The following DMD variants were observed in gnomAD, a reference collection of about 807,000 sequenced individuals.
DMD encodes the protein mutant dystrophin.
A neutral mutation model predicts 330.1 loss-of-function variants in DMD; 63 were observed. The observed-to-expected ratio is 0.19, with a 90% CI of 0.16 to 0.24. The LOEUF is 0.24. Ranked by LOEUF, DMD falls within the 10% of genes least tolerant of loss-of-function variation. The pLI, the probability that DMD is intolerant of heterozygous loss-of-function variation, is 1.00. For synonymous variants in DMD, 1,223 were observed against 959.8 expected (o/e 1.27, Z -5.07); for missense variants, 3,344 against 2,684.1 (o/e 1.25, Z -5.43).
chrX:31,211,983 T>C (rs1484000383), intron 64 of DMD, among the ~76,000 whole-genome samples: 1 of 111,103 alleles, frequency 9.0e-6, no homozygotes, highest in Non-Finnish European at 1.9e-5. Flanking sequence ...TTAATTGCCA[T>C]GCATATGCTT....
intron 74 of DMD, among the ~76,000 whole-genome samples, chrX:31,162,223 G>C (rs1201744361): frequency 9.1e-6 from 1 of 109,561 alleles, no homozygotes; most frequent in African/African-American, 3.3e-5. Context: ...GTAACTATCT[G>C]CAGAATTGAA....
At chrX:31,522,969 C>T (rs2072965412) in intron 55 of DMD, among the ~76,000 whole-genome samples, 1 of 111,436 alleles carries the variant, frequency 9.0e-6, no homozygotes, top group Non-Finnish European at 1.9e-5. Flanking sequence ...TGCCTGTGAG[C>T]GTGAACTTGC....
At chrX:31,673,214 G>C (rs1470435862) in intron 53 of DMD, among the ~76,000 whole-genome samples, 2 of 112,378 alleles carry the variant, frequency 1.8e-5, no homozygotes, top group African/African-American at 6.5e-5. Context: ...CTGGGAGAAA[G>C]TGACGGGAAA....
At chrX:32,501,501 A>C (rs2044050012) in intron 19 of DMD, among the ~76,000 whole-genome samples, 1 of 111,838 alleles carries the variant, frequency 8.9e-6, no homozygotes, top group Non-Finnish European at 1.9e-5. Context: ...GCAGATTTGC[A>C]TTAAAATTTA....
intron 50 of DMD, among the ~76,000 whole-genome samples, chrX:31,803,608 TTCCCTCCC>T (rs200151953): frequency 2.0e-4 from 18 of 92,240 alleles, no homozygotes; most frequent in South Asian, 5.8e-4. Flanking sequence ...TTTCTTTTCT[TTCCCTCCC>T]TCCCTCCCTC....
In DMD at chrX:32,468,639, C is replaced by T. The variant is rs1800268; in HGVS notation, c.3021G>A (p.Ser1007=). The T allele has an allele frequency of 0.018, 21,316 of 1,209,308 alleles. 158 individuals are homozygous for T. Among genetic ancestry groups the T allele is most frequent in the Non-Finnish European group, 0.021 (19,008 of 894,886 alleles). ...YYLSTTVKEM[S]KKAPSEISRK... The stretch of plus-strand genomic sequence containing the variant: ...GGCTAATTTCAGAGGGCGCTTTCTT[C>T]GACATCTCTTTCACAGTGGTGCTGA... The change falls in exon 23 of 79, where the codon TCG becomes TCA. Residue 1007 remains serine (S), a synonymous_variant. Transcript: ENST00000357033.
At position 33,190,424 on chromosome X, in the gene DMD, AACTT is replaced by A. The variant is rs374513848; in HGVS notation, c.31+20854_31+20857del. On this transcript the variant is annotated intron_variant, in intron 1 of 78. Coordinates refer to ENST00000357033, the MANE Select transcript of DMD (RefSeq NM_004006.3). ...ATTATAAGTTTAGATTACATACCTT[AACTT>A]ACTTAAACAATTGGCTGGACATTTG... 1.6e-3 allele frequency among the ~76,000 whole-genome samples: 160 copies of A among 98,204 alleles called. 1 individual carries two copies. Among genetic ancestry groups the A allele is most frequent in the African/African-American group, 5.5e-3 (154 of 28,164 alleles). The allele number at this position is 98,204 out of a possible 115,157, so 85.3% of individuals were successfully genotyped here. A position where few individuals can be genotyped will look rare whatever the true frequency, so the allele number is the denominator to read the frequency against.
chrX:32,695,583 C>T (rs1000452577), intron 9 of DMD, among the ~76,000 whole-genome samples: 2 of 111,059 alleles, frequency 1.8e-5, no homozygotes, highest in African/African-American at 6.6e-5. Context: ...TAATAAACTT[C>T]ACTTGGAGAC....
intron 7 of DMD, among the ~76,000 whole-genome samples, chrX:32,795,911 T>C (rs185586641): frequency 1.1e-4 from 12 of 111,697 alleles, no homozygotes; most frequent in Non-Finnish European, 1.9e-4. Context: ...GCCATCATCT[T>C]GCCCCAGTTA....
intron 12 of DMD, among the ~76,000 whole-genome samples, chrX:32,597,471 G>A (rs770302030): frequency 9.0e-6 from 1 of 111,545 alleles, no homozygotes; most frequent in East Asian, 2.8e-4. Context: ...ATTGCACAAA[G>A]ATTACAATAT....
At chrX:31,890,825 A>G (rs1265058473) in intron 47 of DMD, among the ~76,000 whole-genome samples, 5 of 111,761 alleles carry the variant, frequency 4.5e-5, no homozygotes, top group Non-Finnish European at 1.9e-5. Flanking sequence ...AAACCACCAC[A>G]CTGAAAAGAA....
intron 78 of DMD, 123 bp downstream of exon 78, chrX:31,126,519 A>G (rs2033675791): frequency 1.7e-6 from 1 of 598,987 alleles, no homozygotes; most frequent in Non-Finnish European, 2.9e-6. Flanking sequence ...CCATCCTTAC[A>G]TGATGACACA....
intron 67 of DMD, among the ~76,000 whole-genome samples, chrX:31,190,613 GGGGGA>G (rs2042237839): frequency 8.9e-5 from 1 of 11,188 alleles, no homozygotes; most frequent in African/African-American, 2.2e-4. Flanking sequence ...GGGGGGGGGA[GGGGGA>G]GGGCGGGGAG....
At chrX:33,251,312 A>G (rs1313775891) in intron 1 of DMD, among the ~76,000 whole-genome samples, 1 of 111,780 alleles carries the variant, frequency 8.9e-6, no homozygotes, top group Non-Finnish European at 1.9e-5. Flanking sequence ...AAAATGCACA[A>G]TTCAAATTCC....
At chrX:32,126,211 T>C (rs1219616307) in intron 44 of DMD, among the ~76,000 whole-genome samples, 1 of 112,418 alleles carries the variant, frequency 8.9e-6, no homozygotes, top group Non-Finnish European at 1.9e-5. Context: ...ACTACAATCA[T>C]GCATGCCGTT....
intron 11 of DMD, among the ~76,000 whole-genome samples, chrX:32,628,836 T>C (rs2058544802): frequency 8.9e-6 from 1 of 111,999 alleles, no homozygotes; most frequent in South Asian, 3.7e-4. Context: ...TCCAAAATTC[T>C]TCCTACTGAT....
intron 61 of DMD, among the ~76,000 whole-genome samples, chrX:31,333,032 C>G (rs995896575): frequency 1.8e-5 from 2 of 111,257 alleles, no homozygotes; most frequent in African/African-American, 6.5e-5. Context: ...CTTTCTTCCT[C>G]TTTTTCTAGC....
chrX:32,590,881 C>A (rs1450480302), intron 13 of DMD, among the ~76,000 whole-genome samples: 1 of 111,680 alleles, frequency 9.0e-6, no homozygotes, highest in Admixed American at 9.5e-5. Context: ...TGAGCCAATT[C>A]TCCATGATAA....
At chrX:31,130,190 A>T (rs1335609677) in intron 77 of DMD, among the ~76,000 whole-genome samples, 1 of 112,208 alleles carries the variant, frequency 8.9e-6, no homozygotes, top group Non-Finnish European at 1.9e-5. Flanking sequence ...ATCAATGCAC[A>T]TACATATAAA....
Sources: gnomAD v4.1 joint callset for allele counts (sites outside exome capture counted in the v4.1 genomes callset) on GRCh38, gnomAD v4.1.1 for gene constraint, MANE v1.5 for transcripts, NCBI Gene and HGNC (gene_info 2026-07-23, HGNC 2026-07-21) for gene names.